VOPP1: variants seen among roughly 807,000 people sequenced by gnomAD.
VOPP1 encodes the protein WW domain binding protein VOPP1.
VOPP1 carries 8 observed loss-of-function variants against 23.5 expected under a neutral mutation model. The ratio of observed to expected loss-of-function variants is 0.34; its 90% confidence interval spans 0.20 to 0.61. VOPP1 has a LOEUF of 0.61. Ranked by LOEUF, VOPP1 falls within the 20% of genes least tolerant of loss-of-function variation. The pLI is 0.78. For synonymous variants in VOPP1, 83 were observed against 97.3 expected (o/e 0.85, Z 0.86); for missense variants, 174 against 238.1 (o/e 0.73, Z 1.77).
chr7:55,542,951 T>C (rs2129051410), intron 1 of VOPP1, among the ~76,000 whole-genome samples: 1 of 152,276 alleles, frequency 6.6e-6, no homozygotes, highest in South Asian at 2.1e-4. Context: ...AGTCTCGCTC[T>C]GTTGTCCAGG....
intron 1 of VOPP1, among the ~76,000 whole-genome samples, chr7:55,533,326 A>C (rs1796599396): frequency 6.6e-6 from 1 of 152,164 alleles, no homozygotes; most frequent in Non-Finnish European, 1.5e-5. Context: ...ACAGCAGCAG[A>C]AATGCCCCTG....
intron 4 of VOPP1, among the ~76,000 whole-genome samples, chr7:55,479,520 A>G (rs1398621361): frequency 6.6e-6 from 1 of 152,190 alleles, no homozygotes; most frequent in Non-Finnish European, 1.5e-5. Flanking sequence ...CTCATTCTCC[A>G]GGATTTTTAG....
chr7:55,464,671 T>C (rs1476908557), intron 4 of VOPP1, among the ~76,000 whole-genome samples: 1 of 152,180 alleles, frequency 6.6e-6, no homozygotes, highest in African/African-American at 2.4e-5. Context: ...CAGCCAGTGT[T>C]GTGATGCTGC....
At chr7:55,493,751 T>C (rs12539123) in intron 3 of VOPP1, among the ~76,000 whole-genome samples, 7,394 of 152,266 alleles carry the variant, frequency 0.049, 387 homozygotes, top group East Asian at 0.2. Flanking sequence ...TACCAACTTT[T>C]ACAATTATTT....
intron 4 of VOPP1, among the ~76,000 whole-genome samples, chr7:55,455,646 C>T (rs555546041): frequency 1.3e-5 from 2 of 152,244 alleles, no homozygotes; most frequent in African/African-American, 4.8e-5. Flanking sequence ...AGAAATAACA[C>T]CACACATCTA....
intron 4 of VOPP1, among the ~76,000 whole-genome samples, chr7:55,478,637 G>C (rs1158620169): frequency 6.6e-6 from 1 of 152,216 alleles, no homozygotes; most frequent in African/African-American, 2.4e-5. Context: ...ATGTTGGGGA[G>C]AGCATTCAGA....
chr7:55,457,079 C>A (rs1484777687), intron 4 of VOPP1, among the ~76,000 whole-genome samples: 1 of 152,188 alleles, frequency 6.6e-6, no homozygotes, highest in Non-Finnish European at 1.5e-5. Flanking sequence ...CTTCGTGACA[C>A]CGTGTCGCCC....
At chr7:55,475,990 C>A (rs1442415265) in intron 4 of VOPP1, among the ~76,000 whole-genome samples, 1 of 152,154 alleles carries the variant, frequency 6.6e-6, no homozygotes, top group African/African-American at 2.4e-5. Flanking sequence ...GTCAGACTCT[C>A]CCTATGATGA....
chr7:55,452,737 T>C (rs1272439050), intron 4 of VOPP1, among the ~76,000 whole-genome samples: 1 of 152,184 alleles, frequency 6.6e-6, no homozygotes, highest in Admixed American at 6.5e-5. Flanking sequence ...AAAGGAATCG[T>C]TTTTGCTGAG....
At chr7:55,570,664 C>G (rs928772368) in intron 1 of VOPP1, among the ~76,000 whole-genome samples, 1 of 152,088 alleles carries the variant, frequency 6.6e-6, no homozygotes, top group African/African-American at 2.4e-5. Context: ...ATTGCAGGGC[C>G]GGGCGCGGTG....
intron 1 of VOPP1, chr7:55,562,026 A>G: frequency 1.4e-6 from 1 of 703,568 alleles, no homozygotes; most frequent in Non-Finnish European, 2.6e-6. Flanking sequence ...TCTGATCCTC[A>G]TCTATGCATC....
intron 2 of VOPP1, chr7:55,515,914 A>G (rs964014458): frequency 3.2e-6 from 3 of 948,698 alleles, no homozygotes; most frequent in Non-Finnish European, 3.8e-6. Flanking sequence ...CCTGCAGGAC[A>G]TGCTCCTCGG....
intron 1 of VOPP1, among the ~76,000 whole-genome samples, chr7:55,529,234 G>A (rs1173792509): frequency 2.0e-5 from 3 of 152,064 alleles, no homozygotes; most frequent in African/African-American, 4.8e-5. Context: ...GCGTGGTGGC[G>A]CTCGCCTGTA....
chr7:55,481,096 G>A (rs556051301), intron 4 of VOPP1, among the ~76,000 whole-genome samples: 2 of 152,366 alleles, frequency 1.3e-5, no homozygotes, highest in East Asian at 1.9e-4. Flanking sequence ...GGCAGAAGGG[G>A]CAGGCAGCAG....
At chr7:55,445,891 G>A (rs1027914569) in intron 4 of VOPP1, among the ~76,000 whole-genome samples, 72 of 152,084 alleles carry the variant, frequency 4.7e-4, no homozygotes, top group Non-Finnish European at 4.1e-4. Flanking sequence ...GTGTTCACAT[G>A]TAGCTAGTGG....
chr7:55,435,286 G>A (rs1432847972), downstream of VOPP1, among the ~76,000 whole-genome samples: 2 of 152,202 alleles, frequency 1.3e-5, no homozygotes, highest in African/African-American at 2.4e-5. Context: ...ACCCGAAAAA[G>A]GTGAAGTTTC....
chr7:55,435,271 G>A (rs1790795848), downstream of VOPP1, among the ~76,000 whole-genome samples: 1 of 152,218 alleles, frequency 6.6e-6, no homozygotes, highest in South Asian at 2.1e-4. Context: ...TCAAAGCGGT[G>A]TGTGACCCGA....
At chr7:55,508,054 AT>A (rs1315669061) in intron 2 of VOPP1, among the ~76,000 whole-genome samples, 1 of 152,210 alleles carries the variant, frequency 6.6e-6, no homozygotes, top group African/African-American at 2.4e-5. Context: ...TTTTACTTGT[AT>A]TTCTACCATG....
intron 4 of VOPP1, among the ~76,000 whole-genome samples, chr7:55,455,782 C>T (rs1337955362): frequency 2.6e-5 from 4 of 152,168 alleles, no homozygotes; most frequent in Non-Finnish European, 5.9e-5. Context: ...CCTTTCCTTA[C>T]ACCTTATACA....
Sources: gnomAD v4.1 joint callset for allele counts (sites outside exome capture counted in the v4.1 genomes callset) on GRCh38, gnomAD v4.1.1 for gene constraint, MANE v1.5 for transcripts, NCBI Gene and HGNC (gene_info 2026-07-23, HGNC 2026-07-21) for gene names.